The following SEPTIN11 variants were observed in gnomAD, a reference collection of about 807,000 sequenced individuals.
The protein encoded by SEPTIN11 is septin 11, also known as septin-11.
A neutral mutation model predicts 51.4 loss-of-function variants in SEPTIN11; 25 were observed. The ratio of observed to expected loss-of-function variants is 0.49; its 90% CI spans 0.35 to 0.68. The LOEUF (loss-of-function observed/expected upper bound fraction) is 0.68, where lower values mean the gene tolerates loss of function less well. Ranked by LOEUF, SEPTIN11 falls within the 30% of genes least tolerant of loss-of-function variation. The pLI is 0.00. For missense variants in SEPTIN11, 381 were observed against 520.8 expected (o/e 0.73, Z 2.61); for synonymous variants, 174 against 184.1 (o/e 0.95, Z 0.44).
At chr4:76,967,930 C>T (rs770235306) in intron 1 of SEPTIN11, among the ~76,000 whole-genome samples, 2 of 152,016 alleles carry the variant, frequency 1.3e-5, no homozygotes, top group African/African-American at 4.8e-5. Context: ...AGGATTTCTC[C>T]AATACAGGCC....
intron 2 of SEPTIN11, among the ~76,000 whole-genome samples, chr4:77,003,836 C>A (rs1429403287): frequency 6.6e-6 from 1 of 152,064 alleles, no homozygotes; most frequent in Non-Finnish European, 1.5e-5. Context: ...AGAACACTAC[C>A]ATCCTTAAAG....
chr4:76,977,160 A>G (rs1158736883), intron 1 of SEPTIN11, among the ~76,000 whole-genome samples: 2 of 152,100 alleles, frequency 1.3e-5, no homozygotes, highest in Non-Finnish European at 2.9e-5. Flanking sequence ...GTGACTTTGA[A>G]TTTTTTAAAG....
At chr4:77,028,492 T>C (rs761432774) in intron 7 of SEPTIN11, 137 bp from the exon 8 acceptor site, 12 of 959,698 alleles carry the variant, frequency 1.3e-5, no homozygotes, top group Non-Finnish European at 1.6e-5. Context: ...CAAAACAGTG[T>C]CATTCTACTT....
intron 2 of SEPTIN11, among the ~76,000 whole-genome samples, chr4:76,998,309 C>T (rs1232403028): frequency 6.6e-6 from 1 of 152,130 alleles, no homozygotes; most frequent in Non-Finnish European, 1.5e-5. Flanking sequence ...ACAGAGATAA[C>T]ACTGTGGGAT....
intron 1 of SEPTIN11, among the ~76,000 whole-genome samples, chr4:76,982,078 C>T (rs1211984268): frequency 6.6e-6 from 1 of 152,204 alleles, no homozygotes; most frequent in Non-Finnish European, 1.5e-5. Flanking sequence ...AGTCTTACAT[C>T]CTCTACTCTT....
At chr4:76,958,810 T>A (rs1479432382) in intron 1 of SEPTIN11, 2 of 1,186,212 alleles carry the variant, frequency 1.7e-6, no homozygotes, top group East Asian at 2.5e-5. Flanking sequence ...TAAAAAAAAA[T>A]AAGTTTTAAA....
Position 77,030,810 on chromosome 4 carries a change from C to CG in SEPTIN11, c.1116dup (p.Thr373AspfsTer17). On this transcript the variant is annotated frameshift_variant, in exon 9 of 10. Transcript: ENST00000264893. LOFTEE classifies it high-confidence loss of function. ...TCACGAGAAGTTTGACCTTCTAAAG[C>CG]GGACACACCAAGAAGAAAAGAAGAA... 1 of 1,600,090 alleles carries CG rather than the reference C, an allele frequency of 6.2e-7. No individual in the cohort carries two copies. The highest frequency in any genetic ancestry group is 8.5e-7 in the Non-Finnish European group (1 of 1,177,010).
chr4:76,968,914 A>G (rs763954333), intron 1 of SEPTIN11, among the ~76,000 whole-genome samples: 1 of 152,212 alleles, frequency 6.6e-6, no homozygotes, highest in South Asian at 2.1e-4. Flanking sequence ...TTACATGGTC[A>G]TTGAACACTC....
In SEPTIN11 at chr4:76,987,590, C is replaced by CT. The variant is rs1560711421; in HGVS notation, c.28-8828dup. On this transcript the variant is annotated intron_variant, in intron 1 of 9. Coordinates refer to ENST00000264893, the MANE Select transcript of SEPTIN11 (RefSeq NM_018243.4). ...CGTTTCCCATCTTCCCATTAACCTTCTTTTTTTAAAAGAGAATGTGAAACC... is the reference window on the plus strand; with the variant it reads ...CGTTTCCCATCTTCCCATTAACCTTCTTTTTTTTAAAAGAGAATGTGAAACC... Among the ~76,000 whole-genome samples the CT allele has an allele frequency of 5.3e-5, 8 of 152,208 alleles. No individual in the cohort carries two copies. In the South Asian group the frequency reaches 1.7e-3, roughly 32 times the overall value.
chr4:76,971,779 C>T (rs983050697), intron 1 of SEPTIN11, among the ~76,000 whole-genome samples: 2 of 152,114 alleles, frequency 1.3e-5, no homozygotes, highest in African/African-American at 2.4e-5. Context: ...AAGGAAACCA[C>T]TTTAAAATAA....
chr4:77,020,576 G>A lies in SEPTIN11; in HGVS notation c.859G>A (p.Glu287Lys). ...CCGCGTGAACATGGAGGACTTGCGA[G>A]AGCAGACTCACACCCGCCACTATGA... ...LIRVNMEDLR[E>K]QTHTRHYELY... The change falls in exon 7 of 10, where the codon GAG becomes AAG. Residue 287 changes from glutamate to lysine, a missense_variant. This residue lies in a region of SEPTIN11 where 197 missense variants were observed against 313.1 expected (regional missense o/e 0.63). Transcript: ENST00000264893. 1 of 1,613,954 alleles carries A rather than the reference G, an allele frequency of 6.2e-7. No homozygotes were observed. Among genetic ancestry groups the A allele is most frequent in the Non-Finnish European group, 8.5e-7 (1 of 1,179,990 alleles).
chr4:77,002,525 G>T (rs10518162), intron 2 of SEPTIN11, among the ~76,000 whole-genome samples: 2 of 152,018 alleles, frequency 1.3e-5, no homozygotes, highest in African/African-American at 4.8e-5. Flanking sequence ...CTAAAAATAG[G>T]TAAATCCTGA....
Position 76,949,781 on chromosome 4 carries a change from GC to G in SEPTIN11, c.-121del. On this transcript the variant is annotated 5_prime_UTR_variant, in exon 1 of 10. It removes the in-frame stop codon of an upstream open reading frame in the 5' UTR. Transcript: ENST00000264893. ...AGATGCCGCTGGCTGCCAGCGGGACGCCGGCGAGCAGAGCGCAGCCGCGAGG... is the reference window on the plus strand; with the variant it reads ...AGATGCCGCTGGCTGCCAGCGGGACGCGGCGAGCAGAGCGCAGCCGCGAGG... The G allele has an allele frequency of 9.3e-7, 1 of 1,072,478 alleles. No individual in the cohort carries two copies. The allele number at this position is 1,072,478 out of a possible 1,614,324, so 66.4% of individuals were successfully genotyped here. A position where few individuals can be genotyped will look rare whatever the true frequency, so the allele number is the denominator to read the frequency against.
chr4:77,016,633 C>CACATATATATATAT (rs1375044162), intron 5 of SEPTIN11, among the ~76,000 whole-genome samples: 27 of 72,742 alleles, frequency 3.7e-4, no homozygotes, highest in Admixed American at 7.9e-4. Context: ...TATATATACA[C>CACATATATATATAT]ATATATATAT....
intron 1 of SEPTIN11, among the ~76,000 whole-genome samples, chr4:76,976,701 C>A (rs1722518912): frequency 6.6e-6 from 1 of 152,222 alleles, no homozygotes; most frequent in African/African-American, 2.4e-5. Flanking sequence ...CCCAATACCT[C>A]TAGTGAGGTT....
intron 1 of SEPTIN11, among the ~76,000 whole-genome samples, chr4:76,993,568 C>T (rs1319810417): frequency 1.3e-5 from 2 of 152,106 alleles, no homozygotes; most frequent in Admixed American, 6.5e-5. Context: ...CTCAGAGCTG[C>T]CCTGTGCATG....
intron 4 of SEPTIN11, among the ~76,000 whole-genome samples, chr4:77,014,322 G>A (rs1725068145): frequency 6.6e-6 from 1 of 152,290 alleles, no homozygotes; most frequent in Non-Finnish European, 1.5e-5. Flanking sequence ...ATGTTGGGCT[G>A]CATAGAACTG....
At chr4:77,004,456 G>A (rs1490921139) in intron 2 of SEPTIN11, among the ~76,000 whole-genome samples, 1 of 152,176 alleles carries the variant, frequency 6.6e-6, no homozygotes, top group Non-Finnish European at 1.5e-5. Flanking sequence ...GAAAATGTTA[G>A]GCAGTCAGTT....
intron 1 of SEPTIN11, among the ~76,000 whole-genome samples, chr4:76,952,039 T>G (rs1438204306): frequency 6.6e-6 from 1 of 152,248 alleles, no homozygotes; most frequent in African/African-American, 2.4e-5. Flanking sequence ...AGGAATTGAC[T>G]ATAAAGTTAG....
Sources: allele counts gnomAD v4.1 joint callset (sites outside exome capture counted in the v4.1 genomes callset), GRCh38; gene constraint gnomAD v4.1.1; regional missense constraint gnomAD v4.1.1; transcripts MANE v1.5; gene names NCBI Gene and HGNC (gene_info 2026-07-23, HGNC 2026-07-21).